The following AOAH variants were observed in gnomAD, a reference collection of about 807,000 sequenced individuals.
AOAH encodes the protein acyloxyacyl hydrolase (neutrophil).
In AOAH, 64 loss-of-function variants were observed where a neutral mutation model predicts 92.2. The ratio of observed to expected loss-of-function variants is 0.69; its 90% CI spans 0.57 to 0.86. The LOEUF (loss-of-function observed/expected upper bound fraction) is 0.86, where lower values mean the gene tolerates loss of function less well. AOAH is among the 40% of genes least tolerant of loss of function. AOAH has a pLI of 0.00. For missense variants in AOAH, 656 were observed against 694.6 expected (o/e 0.94, Z 0.62); for synonymous variants, 263 against 254.5 (o/e 1.03, Z -0.32).
rs528182413 is a variant in AOAH at position 36,643,630 on chromosome 7, A to C, written c.391-5720T>G. On this transcript the variant is annotated intron_variant, in intron 4 of 20. Transcript: ENST00000617537. ...CTATTCATTTATTTTACAAATACTT[A>C]CTTAGTGTTTATGTTTGATATGGTT... 3.3e-5 allele frequency among the ~76,000 whole-genome samples: 5 copies of C among 152,222 alleles called. No homozygotes were observed. In the South Asian group the frequency reaches 1.0e-3, roughly 32 times the overall value.
chr7:36,543,456 T>G (rs1163922914), intron 15 of AOAH, among the ~76,000 whole-genome samples: 1 of 151,294 alleles, frequency 6.6e-6, no homozygotes, highest in Non-Finnish European at 1.5e-5. Context: ...TTGCCACACT[T>G]TTTTTTTTCC....
intron 4 of AOAH, among the ~76,000 whole-genome samples, chr7:36,648,153 G>A (rs535188088): frequency 3.3e-5 from 5 of 152,074 alleles, no homozygotes; most frequent in South Asian, 2.1e-4. Flanking sequence ...GATTACGCCC[G>A]GCCCTCTTAG....
At chr7:36,619,541 C>T (rs1313996292) in intron 9 of AOAH, among the ~76,000 whole-genome samples, 1 of 152,170 alleles carries the variant, frequency 6.6e-6, no homozygotes, top group African/African-American at 2.4e-5. Flanking sequence ...TTTTTCAGAA[C>T]AAGAGCTGAC....
At chr7:36,706,453 A>G (rs1252510904) in intron 1 of AOAH, among the ~76,000 whole-genome samples, 1 of 152,158 alleles carries the variant, frequency 6.6e-6, no homozygotes, top group Non-Finnish European at 1.5e-5. Context: ...GTACAAGCAG[A>G]GTAGATTTAG....
intron 13 of AOAH, among the ~76,000 whole-genome samples, chr7:36,559,199 T>C (rs1787070721): frequency 6.6e-6 from 1 of 152,270 alleles, no homozygotes; most frequent in African/African-American, 2.4e-5. Flanking sequence ...TGAATAGTGT[T>C]GTGATGAATA....
At chr7:36,694,575 A>T (rs569533832) in intron 1 of AOAH, among the ~76,000 whole-genome samples, 57 of 152,048 alleles carry the variant, frequency 3.7e-4, no homozygotes, top group East Asian at 2.1e-3. Context: ...ACTATATTTT[A>T]AAAAAAATCC....
At chr7:36,670,676 C>T (rs1302122805) in intron 3 of AOAH, among the ~76,000 whole-genome samples, 4 of 152,092 alleles carry the variant, frequency 2.6e-5, no homozygotes, top group African/African-American at 4.8e-5. Context: ...AGGGTTTCAC[C>T]ATGTTGGCCA....
chr7:36,668,855 G>A (rs912695195), intron 3 of AOAH, among the ~76,000 whole-genome samples: 2 of 152,230 alleles, frequency 1.3e-5, no homozygotes, highest in Non-Finnish European at 2.9e-5. Flanking sequence ...TTTTTAACCT[G>A]CTGTTAGAAC....
At chr7:36,513,452 G>T (rs1011118254) in intron 20 of AOAH, 72 bp from the exon 21 acceptor site, 45 of 1,506,218 alleles carry the variant, frequency 3.0e-5, no homozygotes, top group Non-Finnish European at 3.6e-5. Context: ...GATTTCCCAC[G>T]TGCTTTCTGC....
intron 3 of AOAH, among the ~76,000 whole-genome samples, chr7:36,662,382 G>A (rs1455122129): frequency 1.3e-5 from 2 of 152,222 alleles, no homozygotes; most frequent in East Asian, 3.8e-4. Flanking sequence ...AAGTCAGGGG[G>A]TAAGACTGCA....
chr7:36,579,167 T>TAA (rs11306626), intron 12 of AOAH, among the ~76,000 whole-genome samples: 1 of 149,938 alleles, frequency 6.7e-6, no homozygotes, highest in Non-Finnish European at 1.5e-5. Flanking sequence ...TAAAACTGCT[T>TAA]AAAAAAAAAA....
At chr7:36,675,538 G>A (rs1339164817) in intron 2 of AOAH, among the ~76,000 whole-genome samples, 1 of 152,150 alleles carries the variant, frequency 6.6e-6, no homozygotes, top group Non-Finnish European at 1.5e-5. Flanking sequence ...CCAGCTAGCT[G>A]CACCAGATAG....
chr7:36,628,002 G>A (rs755625368), intron 6 of AOAH, among the ~76,000 whole-genome samples: 4 of 152,230 alleles, frequency 2.6e-5, no homozygotes, highest in East Asian at 1.9e-4. Context: ...CTCGAGGGCC[G>A]GGCGTGGGTT....
intron 11 of AOAH, among the ~76,000 whole-genome samples, chr7:36,595,885 T>C (rs772541790): frequency 1.3e-5 from 2 of 152,246 alleles, no homozygotes; most frequent in Non-Finnish European, 2.9e-5. Context: ...TTTAATGCTA[T>C]TTTAAAATTT....
intron 20 of AOAH, among the ~76,000 whole-genome samples, chr7:36,517,156 G>GTCTGTCTTTCTTTCTTTCTTTCTTTCTT (rs1554360834): frequency 3.1e-5 from 3 of 95,432 alleles, no homozygotes; most frequent in East Asian, 3.2e-4. Flanking sequence ...ATCCATGTTA[G>GTCTGTCTTTCTTTCTTTCTTTCTTTCTT]TCTTTCTTTC....
chr7:36,533,614 G>A (rs1258091427), intron 16 of AOAH, among the ~76,000 whole-genome samples: 1 of 152,056 alleles, frequency 6.6e-6, no homozygotes, highest in Non-Finnish European at 1.5e-5. Context: ...CCAACACTGA[G>A]CTTCCATTTT....
chr7:36,553,676 A>G (rs1786461114), intron 13 of AOAH, among the ~76,000 whole-genome samples: 4 of 151,980 alleles, frequency 2.6e-5, no homozygotes, highest in Admixed American at 2.6e-4. Context: ...AATGATCGCC[A>G]TTCTAACTGG....
Position 36,614,943 on chromosome 7 carries a change from C to G in AOAH, c.846+1437G>C, listed in dbSNP as rs1377627467. Among the ~76,000 whole-genome samples the G allele has an allele frequency of 6.6e-6, 1 of 152,150 alleles. No individual in the cohort carries two copies. Among genetic ancestry groups the G allele is most frequent in the Admixed American group, 6.5e-5 (1 of 15,276 alleles). ...CATGGAACACTGGCAGGAGGAGGAA[C>G]CCAGCAGCTCTCAGGCCTGAGTGTT... On this transcript the variant is annotated intron_variant, in intron 11 of 20. Transcript: ENST00000617537. The surrounding 1 kb of genome is among the most constrained non-coding windows in gnomAD (Gnocchi z 4.2).
At chr7:36,534,602 G>A (rs1784896842) in intron 16 of AOAH, among the ~76,000 whole-genome samples, 1 of 152,182 alleles carries the variant, frequency 6.6e-6, no homozygotes, top group African/African-American at 2.4e-5. Flanking sequence ...CTGCTTTATT[G>A]GCAATATCAG....
Sources: gnomAD v4.1 joint callset for allele counts (sites outside exome capture counted in the v4.1 genomes callset) on GRCh38, gnomAD v4.1.1 for gene constraint, Gnocchi (gnomAD v3.1) non-coding constraint, MANE v1.5 for transcripts, NCBI Gene and HGNC (gene_info 2026-07-23, HGNC 2026-07-21) for gene names.